Variants in MYO3B observed in about 807,000 individuals in gnomAD.
MYO3B encodes the protein myosin IIIB, also known as myosin-IIIb.
In MYO3B, 156 loss-of-function variants were observed where a neutral mutation model predicts 174.6. The ratio of observed to expected loss-of-function variants is 0.89; its 90% CI spans 0.78 to 1.02. MYO3B has a LOEUF of 1.02. Among genes scored for constraint, MYO3B ranks in the 50% least tolerant of loss-of-function variants. The pLI is 0.00. For synonymous variants in MYO3B, 563 were observed against 569.1 expected, an observed-to-expected ratio of 0.99 and a Z score of 0.15; for missense variants, 1,632 against 1,639.4, an observed-to-expected ratio of 1.00 and a Z score of 0.08.
chr2:170,298,544 G>A lies in MYO3B; in HGVS notation c.750-36841G>A, dbSNP rs145325938. On this transcript the variant is annotated intron_variant, in intron 7 of 34. Coordinates refer to ENST00000408978, the MANE Select transcript of MYO3B (RefSeq NM_138995.5). The stretch of plus-strand genomic sequence containing the variant: ...ACAAAAATTAGCCTGGTGTGCTGGC[G>A]GGGACCTGTAATCCCAGCTACTCAG... Among the ~76,000 whole-genome samples, 351 of 151,714 alleles carry A rather than the reference G, an allele frequency of 2.3e-3. 2 individuals are homozygous for A. Among genetic ancestry groups the A allele is most frequent in the African/African-American group, 8.1e-3 (335 of 41,372 alleles).
intron 25 of MYO3B, among the ~76,000 whole-genome samples, chr2:170,474,201 C>T (rs1685165714): frequency 6.6e-6 from 1 of 152,070 alleles, no homozygotes; most frequent in Non-Finnish European, 1.5e-5. Flanking sequence ...CCTGGATGCT[C>T]CTATAGAAAG....
At chr2:170,626,964 T>C (rs898803120) in intron 32 of MYO3B, among the ~76,000 whole-genome samples, 1 of 152,178 alleles carries the variant, frequency 6.6e-6, no homozygotes, top group South Asian at 2.1e-4. Context: ...GACCTTTCTC[T>C]CTGGCTGCCC....
At chr2:170,229,423 T>C (rs1036698201) in intron 6 of MYO3B, among the ~76,000 whole-genome samples, 3 of 152,238 alleles carry the variant, frequency 2.0e-5, no homozygotes, top group Non-Finnish European at 4.4e-5. Flanking sequence ...GACCTTTGGT[T>C]ATAATTTTGG....
intron 16 of MYO3B, among the ~76,000 whole-genome samples, chr2:170,394,904 T>A (rs1037690176): frequency 2.0e-5 from 3 of 152,236 alleles, no homozygotes; most frequent in Admixed American, 1.3e-4. Context: ...GTAACAGAAC[T>A]TTCTCTTAAG....
At position 170,532,098 on chromosome 2, in the gene MYO3B, C is replaced by G. The variant is rs552985909; in HGVS notation, c.3576-10808C>G. On this transcript the variant is annotated intron_variant, in intron 30 of 34. Coordinates refer to ENST00000408978, the MANE Select transcript of MYO3B (RefSeq NM_138995.5). The stretch of plus-strand genomic sequence containing the variant: ...TTAGCATCACCAGTAATTGAACAAA[C>G]TGACAGCATGTGCCTCCTGTTATGA... Among the ~76,000 whole-genome samples the G allele has an allele frequency of 5.3e-5, 8 of 152,316 alleles. No homozygotes were observed. In the South Asian group the frequency reaches 1.7e-3, roughly 32 times the overall value.
chr2:170,251,842 A>G (rs879804960), intron 7 of MYO3B, among the ~76,000 whole-genome samples: 6 of 152,238 alleles, frequency 3.9e-5, no homozygotes, highest in Admixed American at 3.9e-4. Flanking sequence ...AGCTAAAACC[A>G]GTGATATAAT....
rs2106204234 is a variant in MYO3B at position 170,542,947 on chromosome 2, T to C, written c.3617T>C (p.Phe1206Ser). 1.2e-6 allele frequency: 2 copies of C among 1,610,370 alleles called. No individual in the cohort carries two copies. The highest frequency in any genetic ancestry group is 1.1e-5 in the South Asian group (1 of 89,874). ...AGTTCTCCAAAAGGGTGCGATATCT[T>C]CGCAGGACATGCAAACAAGGTAGCT... is the stretch of plus-strand genomic sequence containing the variant. ...AQSSPKGCDI[F>S]AGHANKHSVS... The change falls in exon 31 of 35, where the codon TTC (phenylalanine) becomes TCC (serine). Residue 1206 changes from phenylalanine (F) to serine (S), a missense_variant. Transcript: ENST00000408978.
At chr2:170,195,566 T>C (rs562592901) in intron 1 of MYO3B, among the ~76,000 whole-genome samples, 1 of 152,268 alleles carries the variant, frequency 6.6e-6, no homozygotes, top group South Asian at 2.1e-4. Context: ...TGATTCTTCC[T>C]GGACACTGGA....
intron 25 of MYO3B, among the ~76,000 whole-genome samples, chr2:170,469,909 C>A (rs1056124243): frequency 6.6e-6 from 1 of 151,846 alleles, no homozygotes; most frequent in South Asian, 2.1e-4. Context: ...TCGAGACCAG[C>A]CTGACCAACA....
chr2:170,335,705 T>C (rs2093943095), intron 8 of MYO3B, among the ~76,000 whole-genome samples: 2 of 152,198 alleles, frequency 1.3e-5, no homozygotes, highest in African/African-American at 2.4e-5. Flanking sequence ...TACTTTGTCT[T>C]AGGGCAAATA....
intron 9 of MYO3B, among the ~76,000 whole-genome samples, chr2:170,372,235 C>A (rs1477662090): frequency 2.0e-5 from 3 of 151,242 alleles, no homozygotes; most frequent in Non-Finnish European, 4.4e-5. Flanking sequence ...CTTTCTCTTC[C>A]AAAGTTTCTT....
Position 170,387,226 on chromosome 2 carries a change from A to G in MYO3B, c.1495A>G (p.Met499Val). ...CCGTTTTGGAAAATATCTGGAAATGATGTTTACACCAACTGGAGTTGTGAT... is the reference window on the plus strand; with the variant it reads ...CCGTTTTGGAAAATATCTGGAAATGGTGTTTACACCAACTGGAGTTGTGAT... ...SSRFGKYLEM[M>V]FTPTGVVMGA... is the part of the protein sequence containing the mutation. The change falls in exon 14 of 35, where the codon ATG becomes GTG. Residue 499 changes from methionine (M) to valine (V), a missense_variant. Coordinates refer to ENST00000408978, the MANE Select transcript of MYO3B (RefSeq NM_138995.5). 27 of 1,614,170 alleles carry G rather than the reference A, an allele frequency of 1.7e-5. No homozygotes were observed. Among genetic ancestry groups the G allele is most frequent in the Non-Finnish European group, 2.2e-5 (26 of 1,179,994 alleles).
Position 170,391,627 on chromosome 2 carries a change from C to G in MYO3B, c.1676+9C>G. ...GAGGAAAAACCTCCTAGGTAAGTGT[C>G]AGGGGGGTTGGTTGTTAATTTTTGA... On this transcript the variant is annotated intron_variant, in intron 15 of 34. Transcript: ENST00000408978. 3.4e-6 allele frequency: 5 copies of G among 1,491,942 alleles called. No homozygotes were observed. Among genetic ancestry groups the G allele is most frequent in the Non-Finnish European group, 4.6e-6 (5 of 1,095,848 alleles). 92.4% of individuals were successfully genotyped at this position (1,491,942 alleles called of 1,614,324 possible).
chr2:170,356,937 C>G (rs1400774036), intron 8 of MYO3B, among the ~76,000 whole-genome samples: 1 of 151,844 alleles, frequency 6.6e-6, no homozygotes, highest in Admixed American at 6.6e-5. Flanking sequence ...ACCACCACGG[C>G]CCCCTGATTT....
At chr2:170,412,255 C>G (rs1650322830) in intron 22 of MYO3B, 1 of 152,122 alleles carries the variant, frequency 6.6e-6, no homozygotes, top group African/African-American at 2.4e-5. Flanking sequence ...AACAGAGTTT[C>G]AAAAAGAACT....
At chr2:170,572,440 A>C (rs1391745145) in intron 32 of MYO3B, among the ~76,000 whole-genome samples, 4 of 150,832 alleles carry the variant, frequency 2.7e-5, no homozygotes, top group Non-Finnish European at 5.9e-5. Flanking sequence ...AAAAAAAAAA[A>C]CCCATCTCTA....
intron 32 of MYO3B, among the ~76,000 whole-genome samples, chr2:170,604,927 C>G (rs79327815): frequency 0.018 from 2,776 of 152,280 alleles, 30 homozygotes; most frequent in Non-Finnish European, 0.025. Context: ...CACAGTCTCT[C>G]TTTAACATAA....
At chr2:170,184,392 C>T (rs2092438843) in intron 1 of MYO3B, among the ~76,000 whole-genome samples, 1 of 152,012 alleles carries the variant, frequency 6.6e-6, no homozygotes, top group East Asian at 1.9e-4. Context: ...TCCATGAGTT[C>T]AATTGTTTTA....
intron 22 of MYO3B, among the ~76,000 whole-genome samples, chr2:170,440,911 C>T (rs2094795780): frequency 6.8e-6 from 1 of 147,058 alleles, no homozygotes; most frequent in Non-Finnish European, 1.5e-5. Context: ...AAGTGATTCT[C>T]CTGCCTCAGC....
Sources: allele counts gnomAD v4.1 joint callset (sites outside exome capture counted in the v4.1 genomes callset), GRCh38; gene constraint gnomAD v4.1.1; transcripts MANE v1.5; gene names NCBI Gene and HGNC (gene_info 2026-07-23, HGNC 2026-07-21).